SUPV3L1: variants seen among roughly 807,000 people sequenced by gnomAD.
The protein encoded by SUPV3L1 is Suv3 like RNA helicase, also known as ATP-dependent RNA helicase SUPV3L1, mitochondrial.
In SUPV3L1, 35 loss-of-function variants were observed where a neutral mutation model predicts 70.0. The ratio of observed to expected loss-of-function variants is 0.50; its 90% CI spans 0.38 to 0.66. SUPV3L1 has a LOEUF of 0.66. Ranked by LOEUF, SUPV3L1 falls within the 30% of genes least tolerant of loss-of-function variation. The pLI is 0.00. For synonymous variants in SUPV3L1, 364 were observed against 341.9 expected, an observed-to-expected ratio of 1.06 and a Z score of -0.71; for missense variants, 777 against 961.5, an observed-to-expected ratio of 0.81 and a Z score of 2.54.
At position 69,183,778 on chromosome 10, in the gene SUPV3L1, T is replaced by TTTAGTGTATTTGCAGGAG. The variant is rs1265188157; in HGVS notation, c.272-2209_272-2208insTTAGTGTATTTGCAGGAG. Among the ~76,000 whole-genome samples, 6 of 152,308 alleles carry TTTAGTGTATTTGCAGGAG rather than the reference T, an allele frequency of 3.9e-5. No individual in the cohort carries two copies. The East Asian group carries it at 1.2e-3, about 29-fold the overall frequency. On this transcript the variant is annotated intron_variant, in intron 1 of 14. Transcript: ENST00000359655. ...CTGGGTTTTAGTGTATTTGCAGGAT[T>TTTAGTGTATTTGCAGGAG]GTACAATCATCACCATAATTTCATT...
chr10:69,182,108 G>T (rs992779385), intron 1 of SUPV3L1, among the ~76,000 whole-genome samples: 1 of 151,270 alleles, frequency 6.6e-6, no homozygotes, highest in Non-Finnish European at 1.5e-5. Context: ...AATCCTCCTG[G>T]CTCAGCCTTC....
chr10:69,183,312 T>C (rs1842119048), intron 1 of SUPV3L1, among the ~76,000 whole-genome samples: 2 of 152,228 alleles, frequency 1.3e-5, no homozygotes, highest in Admixed American at 6.5e-5. Flanking sequence ...ACTGCACATA[T>C]AGCCCCTTAT....
intron 5 of SUPV3L1, among the ~76,000 whole-genome samples, chr10:69,189,646 CTTTTTTTT>C (rs34718589): frequency 8.0e-6 from 1 of 125,054 alleles, no homozygotes; most frequent in Non-Finnish European, 1.6e-5. Flanking sequence ...GCTATCAATT[CTTTTTTTT>C]TTTTTTTTTT....
intron 1 of SUPV3L1, among the ~76,000 whole-genome samples, chr10:69,184,212 A>T (rs1291631016): frequency 6.6e-6 from 1 of 151,958 alleles, no homozygotes. Context: ...TTTATTTGTC[A>T]TTGGTTTTTC....
At chr10:69,189,022 C>G (rs917180840) in intron 4 of SUPV3L1, among the ~76,000 whole-genome samples, 10 of 152,120 alleles carry the variant, frequency 6.6e-5, no homozygotes, top group African/African-American at 1.7e-4. Flanking sequence ...GAGATTTGTA[C>G]AATGGGAAAA....
chr10:69,195,799 A>G (rs1017209100), intron 7 of SUPV3L1, among the ~76,000 whole-genome samples: 2 of 152,034 alleles, frequency 1.3e-5, no homozygotes, highest in African/African-American at 4.8e-5. Context: ...TTGGAGTGTG[A>G]TGGCGCAGTT....
chr10:69,207,501 G>A (rs73278657), intron 13 of SUPV3L1, among the ~76,000 whole-genome samples: 6,252 of 151,988 alleles, frequency 0.041, 448 homozygotes, highest in African/African-American at 0.14. Context: ...TTTTTTGTAT[G>A]GATGGGGTTT....
intron 7 of SUPV3L1, among the ~76,000 whole-genome samples, chr10:69,196,455 C>T (rs1367005965): frequency 6.6e-6 from 1 of 151,524 alleles, no homozygotes; most frequent in East Asian, 1.9e-4. Context: ...GAACCGAGGT[C>T]ATGCCACTGC....
intron 5 of SUPV3L1, among the ~76,000 whole-genome samples, chr10:69,190,285 T>C (rs1408170169): frequency 6.6e-6 from 1 of 152,232 alleles, no homozygotes; most frequent in Non-Finnish European, 1.5e-5. Flanking sequence ...TGATAAAGAC[T>C]GAAGCTACCT....
chr10:69,188,561 C>T (rs1014776439), intron 4 of SUPV3L1, among the ~76,000 whole-genome samples: 3 of 152,174 alleles, frequency 2.0e-5, no homozygotes, highest in Admixed American at 6.5e-5. Flanking sequence ...TGCAGTGGTG[C>T]GTTCTCGGCT....
chr10:69,191,592 A>G (rs1842399031), intron 5 of SUPV3L1, 63 bp from the exon 6 acceptor site: 1 of 1,427,444 alleles, frequency 7.0e-7, no homozygotes, highest in South Asian at 1.2e-5. Context: ...ACACCCTGTT[A>G]AATATCCAAA....
intron 1 of SUPV3L1, among the ~76,000 whole-genome samples, chr10:69,185,500 T>A (rs1842196420): frequency 7.5e-6 from 1 of 133,922 alleles, no homozygotes; most frequent in Admixed American, 8.8e-5. Context: ...TCGATCATTT[T>A]TCTCTTTTTT....
intron 5 of SUPV3L1, among the ~76,000 whole-genome samples, chr10:69,190,940 A>G (rs917786976): frequency 2.0e-5 from 3 of 152,264 alleles, no homozygotes; most frequent in African/African-American, 7.2e-5. Context: ...AGAATGGTTG[A>G]TCACCCTGAT....
chr10:69,208,454 A>G (rs1472395197), intron 14 of SUPV3L1, 146 bp from the exon 15 acceptor site: 1 of 870,008 alleles, frequency 1.1e-6, no homozygotes, highest in African/African-American at 1.7e-5. Context: ...TGGGGGCAGA[A>G]ATCAAGGTTG....
chr10:69,182,629 G>C, intron 1 of SUPV3L1: 1 of 985,418 alleles, frequency 1.0e-6, no homozygotes, highest in Non-Finnish European at 1.2e-6. Flanking sequence ...AGAATCCTTA[G>C]ATACTTCATT....
intron 3 of SUPV3L1, among the ~76,000 whole-genome samples, chr10:69,187,169 CT>C (rs772758922): frequency 3.7e-4 from 56 of 152,140 alleles, no homozygotes; most frequent in Middle Eastern, 3.4e-3. Context: ...TTTAATTTAA[CT>C]TTTGCCAATG....
At position 69,203,978 on chromosome 10, in the gene SUPV3L1, G is replaced by C. The variant is rs1191787090; in HGVS notation, c.1776+935G>C. 3.3e-5 allele frequency among the ~76,000 whole-genome samples: 5 copies of C among 152,134 alleles called. No homozygotes were observed. The East Asian group carries it at 9.7e-4, about 30-fold the overall frequency. ...GGAGGCAAGTGATCATCCCACCTCA[G>C]CCTCCCAAAGTGCTGGGATTACAGG... On this transcript the variant is annotated intron_variant, in intron 13 of 14. Coordinates refer to ENST00000359655, the MANE Select transcript of SUPV3L1 (RefSeq NM_003171.5).
chr10:69,180,640 C>T (rs985553501), intron 1 of SUPV3L1, 78 bp downstream of exon 1: 6 of 1,554,352 alleles, frequency 3.9e-6, no homozygotes, highest in Non-Finnish European at 5.2e-6. Flanking sequence ...GCTACATCCC[C>T]TTCCCCTGGG....
intron 2 of SUPV3L1, 102 bp from the exon 3 acceptor site, chr10:69,186,341 A>C: frequency 1.6e-6 from 1 of 635,058 alleles, no homozygotes; most frequent in Non-Finnish European, 2.6e-6. Flanking sequence ...AAAAAAAAAA[A>C]AAAGAAAAAA....
Sources: allele counts gnomAD v4.1 joint callset (sites outside exome capture counted in the v4.1 genomes callset), GRCh38; gene constraint gnomAD v4.1.1; transcripts MANE v1.5; gene names NCBI Gene and HGNC (gene_info 2026-07-23, HGNC 2026-07-21).